The following HIVEP3 variants were observed in gnomAD, a reference collection of about 807,000 sequenced individuals.
HIVEP3 encodes the protein HIVEP zinc finger 3.
In HIVEP3, 49 loss-of-function variants were observed where a neutral mutation model predicts 152.8. The observed-to-expected ratio is 0.32, with a 90% CI of 0.26 to 0.41. The LOEUF is 0.41. Ranked by LOEUF, HIVEP3 falls within the 10% of genes least tolerant of loss-of-function variation. HIVEP3 has a pLI of 1.00. For synonymous variants in HIVEP3, 1,269 were observed against 1,289.0 expected (o/e 0.98, Z 0.33); for missense variants, 2,790 against 3,103.3 (o/e 0.90, Z 2.40).
chr1:41,741,916 T>C (rs998400625), intron 1 of HIVEP3, among the ~76,000 whole-genome samples: 1 of 152,240 alleles, frequency 6.6e-6, no homozygotes. Context: ...CCTTCAACTG[T>C]CTAAGATAGA....
Position 41,634,677 on chromosome 1 carries a change from C to T in HIVEP3, c.-720-5730G>A, listed in dbSNP as rs17251983. 4.8e-3 allele frequency among the ~76,000 whole-genome samples: 724 copies of T among 152,028 alleles called. 10 individuals are homozygous for T. Among genetic ancestry groups the T allele is most frequent in the African/African-American group, 0.016 (677 of 41,472 alleles). ...ATAAATGGAAAAAAGCAAATGGTAACGAAAATAATGCGAGAAAGCCAATAT... is the reference window on the plus strand; with the variant it reads ...ATAAATGGAAAAAAGCAAATGGTAATGAAAATAATGCGAGAAAGCCAATAT... On this transcript the variant is annotated intron_variant, in intron 2 of 8. Transcript: ENST00000372583.
At chr1:41,591,898 C>T (rs959067376) in intron 3 of HIVEP3, among the ~76,000 whole-genome samples, 3 of 152,116 alleles carry the variant, frequency 2.0e-5, no homozygotes, top group Non-Finnish European at 2.9e-5. Context: ...CCAACGAGAG[C>T]GGGCTGGGAA....
At chr1:41,920,768 C>T (rs915933661), upstream of HIVEP3, among the ~76,000 whole-genome samples, 1 of 152,116 alleles carries the variant, frequency 6.6e-6, no homozygotes, top group African/African-American at 2.4e-5. Context: ...TGTAACTTGG[C>T]TTTGCAATGT....
intron 1 of HIVEP3, among the ~76,000 whole-genome samples, chr1:41,712,300 T>A (rs1646525010): frequency 6.6e-6 from 1 of 152,210 alleles, no homozygotes; most frequent in Non-Finnish European, 1.5e-5. Context: ...GCATGCACCA[T>A]TCATTCCGTA....
rs190974808 is a variant in HIVEP3 at position 41,725,622 on chromosome 1, C to A, written c.-800-24627G>T. On this transcript the variant is annotated intron_variant, in intron 1 of 8. Coordinates refer to ENST00000372583, the MANE Select transcript of HIVEP3 (RefSeq NM_024503.5). ...CTGATAAAGCAAACAGGTTCAGTGT[C>A]CAGCATCCGTATGGAAACTCCATAA... Among the ~76,000 whole-genome samples the A allele has an allele frequency of 4.1e-3, 617 of 152,322 alleles. 2 individuals are homozygous for A. The highest frequency in any genetic ancestry group is 6.8e-3 in the Non-Finnish European group (465 of 68,032).
chr1:42,003,107 G>C (rs934847972), intron 1 of HIVEP3, among the ~76,000 whole-genome samples: 25 of 151,372 alleles, frequency 1.7e-4, no homozygotes, highest in Admixed American at 4.6e-4. Context: ...ATGAAGTCTT[G>C]CTCTGTTGCC....
At chr1:41,830,379 G>A (rs1229673147) in intron 1 of HIVEP3, among the ~76,000 whole-genome samples, 3 of 152,228 alleles carry the variant, frequency 2.0e-5, no homozygotes, top group Non-Finnish European at 2.9e-5. Flanking sequence ...CCTTCAGTGG[G>A]AGAAACCTGC....
chr1:41,977,076 G>A (rs775010405), intron 1 of HIVEP3, among the ~76,000 whole-genome samples: 19 of 152,156 alleles, frequency 1.2e-4, no homozygotes, highest in Non-Finnish European at 2.8e-4. Context: ...GTGGTCACCT[G>A]TTTATAACCA....
chr1:41,668,609 T>A (rs1322144085), intron 2 of HIVEP3, among the ~76,000 whole-genome samples: 1 of 152,236 alleles, frequency 6.6e-6, no homozygotes, highest in African/African-American at 2.4e-5. Context: ...CTGTTCCTTC[T>A]ACCTGGCATG....
chr1:41,924,738 A>AT (rs1382277777), intron 1 of HIVEP3, among the ~76,000 whole-genome samples: 4 of 152,202 alleles, frequency 2.6e-5, no homozygotes, highest in African/African-American at 9.6e-5. Flanking sequence ...ATAAGTGATC[A>AT]TGAGAATGTC....
chr1:42,016,363 T>A (rs1349472854), intron 1 of HIVEP3, among the ~76,000 whole-genome samples: 1 of 152,166 alleles, frequency 6.6e-6, no homozygotes, highest in Admixed American at 6.5e-5. Context: ...AGTTTGATCT[T>A]TATCATGAAA....
At chr1:41,924,902 T>C (rs921776638) in intron 1 of HIVEP3, among the ~76,000 whole-genome samples, 1 of 152,222 alleles carries the variant, frequency 6.6e-6, no homozygotes, top group Non-Finnish European at 1.5e-5. Context: ...TGAGCTTCTC[T>C]AGGCTAAAAG....
intron 2 of HIVEP3, among the ~76,000 whole-genome samples, chr1:41,641,354 G>T (rs544970723): frequency 6.6e-6 from 1 of 152,220 alleles, no homozygotes; most frequent in Non-Finnish European, 1.5e-5. Flanking sequence ...TTAGCTAAGA[G>T]GGGAAGCCTG....
chr1:41,527,219 C>CCCTT (rs1642993245), intron 5 of HIVEP3, among the ~76,000 whole-genome samples: 1 of 55,688 alleles, frequency 1.8e-5, no homozygotes, highest in Non-Finnish European at 5.5e-5. Context: ...CTCACCCTCA[C>CCCTT]ACACTCACCC....
intron 3 of HIVEP3, among the ~76,000 whole-genome samples, chr1:41,628,415 G>T (rs954163265): frequency 6.6e-6 from 1 of 152,208 alleles, no homozygotes; most frequent in Admixed American, 6.5e-5. Flanking sequence ...TGTGGAGGCT[G>T]TGGCCCCTGG....
rs115418638 is a variant in HIVEP3, at chr1:41,520,284, T to G, written c.5384-1796A>C. 1.6e-3 allele frequency among the ~76,000 whole-genome samples: 245 copies of G among 152,304 alleles called. 2 individuals carry two copies. Among genetic ancestry groups the G allele is most frequent in the Middle Eastern group, 6.8e-3 (2 of 294 alleles). On this transcript the variant is annotated intron_variant, in intron 6 of 8. Transcript: ENST00000372583. ...AGGGATGGGAGGGGAGCTGTTTCCTTTCCTCTTTCTTCACCTTGGTCCTAG... is the reference window on the plus strand; with the variant it reads ...AGGGATGGGAGGGGAGCTGTTTCCTGTCCTCTTTCTTCACCTTGGTCCTAG...
At chr1:41,698,127 A>G (rs947612397) in intron 2 of HIVEP3, among the ~76,000 whole-genome samples, 1 of 151,920 alleles carries the variant, frequency 6.6e-6, no homozygotes, top group Non-Finnish European at 1.5e-5. Flanking sequence ...TGCTCAATAA[A>G]CCTCAGTTGC....
chr1:41,841,394 T>G (rs111450089), intron 1 of HIVEP3, among the ~76,000 whole-genome samples: 1 of 141,180 alleles, frequency 7.1e-6, no homozygotes, highest in Non-Finnish European at 1.5e-5. Context: ...CAACACCAAG[T>G]TTTGACAATG....
At chr1:42,031,038 T>A (rs921391708) in intron 1 of HIVEP3, among the ~76,000 whole-genome samples, 3 of 152,222 alleles carry the variant, frequency 2.0e-5, no homozygotes, top group Non-Finnish European at 4.4e-5. Context: ...ATCAACAGCC[T>A]AGAGGGTTCA....
Sources: allele counts gnomAD v4.1 joint callset (sites outside exome capture counted in the v4.1 genomes callset), GRCh38; gene constraint gnomAD v4.1.1; transcripts MANE v1.5; gene names NCBI Gene and HGNC (gene_info 2026-07-23, HGNC 2026-07-21).